The following ZNF605 variants were observed in gnomAD, a reference collection of about 807,000 sequenced individuals.
ZNF605 encodes the protein zinc finger protein 605.
In ZNF605, 9 loss-of-function variants were observed where a neutral mutation model predicts 7.9. The observed-to-expected ratio is 1.14, with a 90% CI of 0.68 to 1.98. The LOEUF is 1.98. Among genes scored for constraint, ZNF605 ranks in the 30% most tolerant of loss-of-function variants. The probability of loss-of-function intolerance (pLI) is 0.00; values close to 1 mark genes in which losing one functional copy is unlikely to be tolerated. For synonymous variants in ZNF605, 255 were observed against 260.1 expected (o/e 0.98, Z 0.19); for missense variants, 673 against 762.4 (o/e 0.88, Z 1.38).
chr12:132,933,046 A>G lies in ZNF605; in HGVS notation c.125T>C (p.Leu42Pro). Residue 42 changes from leucine (L) to proline (P), a missense_variant, in exon 4 of 5, where the codon CTG becomes CCG. Coordinates refer to ENST00000360187, the MANE Select transcript of ZNF605 (RefSeq NM_183238.4). This position sits in a 1 kb window ranked among gnomAD's most constrained non-coding sequence, Gnocchi z 4.4. Reference protein sequence around the residue: ...RDVMLENYSNLVFLEVWLDNP... With the variant: ...RDVMLENYSNPVFLEVWLDNP... ...AAGAATGTTCTTACCCAAGAAAACC[A>G]GATTGCTATAGTTCTCCAACATCAC... is the stretch of plus-strand genomic sequence containing the variant. 6.9e-6 allele frequency: 11 copies of G among 1,591,630 alleles called. No homozygotes were observed. Among genetic ancestry groups the G allele is most frequent in the Non-Finnish European group, 9.4e-6 (11 of 1,166,952 alleles).
intron 3 of ZNF605, among the ~76,000 whole-genome samples, chr12:132,942,466 C>T (rs1394797635): frequency 5.3e-5 from 8 of 152,200 alleles, no homozygotes; most frequent in African/African-American, 1.9e-4. Flanking sequence ...CTAACAAACT[C>T]ATGTCATGGA....
At chr12:132,940,456 A>G (rs1952424394) in intron 3 of ZNF605, among the ~76,000 whole-genome samples, 1 of 152,190 alleles carries the variant, frequency 6.6e-6, no homozygotes, top group African/African-American at 2.4e-5. Context: ...CCCACAACGG[A>G]CGTGGTGTAC....
chr12:132,926,507 CCT>C lies in ZNF605; in HGVS notation c.790_791del (p.Arg264GlufsTer5). 1 of 1,614,152 alleles carries C rather than the reference CCT, an allele frequency of 6.2e-7. No individual in the cohort carries two copies. Among genetic ancestry groups the C allele is most frequent in the South Asian group, 1.1e-5 (1 of 91,080 alleles). ...GCSECGKAFS[R>X]KSQLKRHQIT... Reference sequence around the variant, plus strand: ...TCTGATGTCTTTTAAGCTGCGACTTCCTACTGAAGGCTTTTCCACATTCACTG... The same window carrying C: ...TCTGATGTCTTTTAAGCTGCGACTTCACTGAAGGCTTTTCCACATTCACTG... On this transcript the variant is annotated frameshift_variant, in exon 5 of 5. Transcript: ENST00000360187. LOFTEE classifies it low-confidence loss of function (END_TRUNC).
intron 1 of ZNF605, among the ~76,000 whole-genome samples, chr12:132,954,011 A>G (rs1264572933): frequency 6.6e-6 from 1 of 151,670 alleles, no homozygotes; most frequent in East Asian, 1.9e-4. Context: ...CCCTCAAATA[A>G]CAAAGCCAAT....
chr12:132,935,166 CA>C (rs1952351370), intron 3 of ZNF605, among the ~76,000 whole-genome samples: 1 of 152,092 alleles, frequency 6.6e-6, no homozygotes, highest in South Asian at 2.1e-4. Context: ...ATTCCAGTCC[CA>C]GCAGCTACAA....
intron 4 of ZNF605, among the ~76,000 whole-genome samples, chr12:132,928,458 TG>T (rs1434032277): frequency 2.6e-5 from 4 of 152,158 alleles, no homozygotes; most frequent in Non-Finnish European, 5.9e-5. Flanking sequence ...CTCCTTTAAT[TG>T]GATCTGTAAA....
At chr12:132,951,825 CCACACATACACATA>C (rs1952573527) in intron 1 of ZNF605, among the ~76,000 whole-genome samples, 1 of 151,626 alleles carries the variant, frequency 6.6e-6, no homozygotes, top group African/African-American at 2.4e-5. Flanking sequence ...TACACATACA[CCACACATACACATA>C]CACGCATACA....
At chr12:132,950,920 G>A (rs1034168951) in intron 1 of ZNF605, among the ~76,000 whole-genome samples, 17 of 148,940 alleles carry the variant, frequency 1.1e-4, no homozygotes, top group Non-Finnish European at 2.1e-4. Flanking sequence ...TGATACACAC[G>A]TAACGTATAC....
At chr12:132,946,019 A>G (rs1021053392) in intron 2 of ZNF605, among the ~76,000 whole-genome samples, 12 of 152,090 alleles carry the variant, frequency 7.9e-5, no homozygotes, top group African/African-American at 2.9e-4. Context: ...GTACGCACGG[A>G]ACTGAACAGC....
chr12:132,946,016 C>T (rs1376465825), intron 2 of ZNF605, among the ~76,000 whole-genome samples: 2 of 152,116 alleles, frequency 1.3e-5, no homozygotes, highest in East Asian at 1.9e-4. Context: ...GCAGTACGCA[C>T]GGAACTGAAC....
At chr12:132,928,116 C>G (rs956705453) in intron 4 of ZNF605, among the ~76,000 whole-genome samples, 1 of 122,744 alleles carries the variant, frequency 8.1e-6, no homozygotes, top group East Asian at 2.0e-4. Flanking sequence ...AACTTAGTAT[C>G]AGAAGATCAG....
intron 2 of ZNF605, among the ~76,000 whole-genome samples, chr12:132,947,799 C>T (rs566536371): frequency 0.03 from 4,309 of 143,908 alleles, 87 homozygotes; most frequent in Non-Finnish European, 0.047. Flanking sequence ...GGTGGAGTTT[C>T]GCTCTTGTTG....
At chr12:132,955,136 G>A (rs1400693676) in intron 1 of ZNF605, among the ~76,000 whole-genome samples, 1 of 152,154 alleles carries the variant, frequency 6.6e-6, no homozygotes, top group Non-Finnish European at 1.5e-5. Flanking sequence ...TTGGGAAGGG[G>A]AAGGAGAACG....
chr12:132,943,977 C>T (rs1237844968), intron 3 of ZNF605, among the ~76,000 whole-genome samples: 1 of 152,168 alleles, frequency 6.6e-6, no homozygotes, highest in African/African-American at 2.4e-5. Flanking sequence ...GTCCTGATGT[C>T]CCCATGTCTT....
In ZNF605 at chr12:132,933,123, C is replaced by T. The variant is rs900708957; in HGVS notation, c.48G>A (p.Thr16=). The T allele has an allele frequency of 9.3e-6, 15 of 1,611,438 alleles. No homozygotes were observed. The East Asian group carries it at 2.0e-4, about 22-fold the overall frequency. ...GATTAAGTAGCTGCCATTCCTCCAG[C>T]GTGAAATCCACAGCCACATCCTCAA... ...ISFEDVAVDF[T]LEEWQLLNPT... The change falls in exon 4 of 5, where the codon ACG becomes ACA. Residue 16 remains threonine, a synonymous_variant. Coordinates refer to ENST00000360187, the MANE Select transcript of ZNF605 (RefSeq NM_183238.4). The surrounding 1 kb of genome is among the most constrained non-coding windows in gnomAD (Gnocchi z 4.4).
chr12:132,940,745 AAAT>A (rs1952427770), intron 3 of ZNF605, among the ~76,000 whole-genome samples: 2 of 152,140 alleles, frequency 1.3e-5, no homozygotes, highest in Non-Finnish European at 2.9e-5. Context: ...TTTAAAAAAA[AAAT>A]AATTTCAACT....
chr12:132,952,530 G>A (rs71452546), intron 1 of ZNF605, among the ~76,000 whole-genome samples: 1 of 151,638 alleles, frequency 6.6e-6, no homozygotes, highest in South Asian at 2.1e-4. Flanking sequence ...AGACGTCGTA[G>A]AGGCTTGTGG....
intron 1 of ZNF605, among the ~76,000 whole-genome samples, chr12:132,949,126 C>T (rs903803455): frequency 2.6e-5 from 4 of 152,246 alleles, no homozygotes; most frequent in East Asian, 3.9e-4. Flanking sequence ...TTCTTATCGC[C>T]GTGATGTTCC....
intron 3 of ZNF605, among the ~76,000 whole-genome samples, chr12:132,938,099 G>A (rs1379499740): frequency 1.3e-5 from 2 of 152,068 alleles, no homozygotes; most frequent in East Asian, 3.9e-4. Context: ...TCCTGCCTCA[G>A]CCTCCCAAGT....
Sources: allele counts gnomAD v4.1 joint callset (sites outside exome capture counted in the v4.1 genomes callset), GRCh38; gene constraint gnomAD v4.1.1; non-coding constraint Gnocchi (gnomAD v3.1); transcripts MANE v1.5; gene names NCBI Gene and HGNC (gene_info 2026-07-23, HGNC 2026-07-21).